SV2C: variants seen among roughly 807,000 people sequenced by gnomAD.
SV2C encodes synaptic vesicle glycoprotein 2C.
A neutral mutation model predicts 79.7 loss-of-function variants in SV2C; 49 were observed. The ratio of observed to expected loss-of-function variants is 0.61; its 90% CI spans 0.49 to 0.78. The LOEUF is 0.78. Ranked by LOEUF, SV2C falls within the 30% of genes least tolerant of loss-of-function variation. SV2C has a pLI of 0.00. For missense variants in SV2C, 833 were observed against 912.9 expected, an observed-to-expected ratio of 0.91 and a Z score of 1.13; for synonymous variants, 334 against 333.2, an observed-to-expected ratio of 1.00 and a Z score of -0.03.
At chr5:76,215,345 A>C (rs1290895680) in intron 4 of SV2C, among the ~76,000 whole-genome samples, 2 of 152,236 alleles carry the variant, frequency 1.3e-5, no homozygotes, top group South Asian at 2.1e-4. Flanking sequence ...GAATAAGGAG[A>C]ACAGTGAGCC....
At chr5:76,017,636 G>A in the SV2C span, among the ~76,000 whole-genome samples, 2 of 152,116 alleles carry the variant, frequency 1.3e-5, no homozygotes, top group African/African-American at 4.8e-5. Context: ...CATAGTGTAG[G>A]TTAGCATTTC....
intron 4 of SV2C, among the ~76,000 whole-genome samples, chr5:76,231,351 A>T (rs1279465690): frequency 6.6e-6 from 1 of 152,200 alleles, no homozygotes; most frequent in Non-Finnish European, 1.5e-5. Context: ...ATATATTAAT[A>T]TATACAGTTA....
intron 1 of SV2C, among the ~76,000 whole-genome samples, chr5:76,128,495 G>C (rs538209226): frequency 3.1e-4 from 47 of 152,184 alleles, no homozygotes; most frequent in Admixed American, 1.1e-3. Flanking sequence ...GGGTGAGGCA[G>C]ATGAAGATAA....
At chr5:76,242,008 CA>C in intron 4 of SV2C, 2 of 1,328,398 alleles carry the variant, frequency 1.5e-6, no homozygotes, top group Non-Finnish European at 2.1e-6. Flanking sequence ...ACACAGTTAT[CA>C]AAAATGCACA....
the SV2C span, among the ~76,000 whole-genome samples, chr5:75,894,804 A>T: frequency 6.6e-6 from 1 of 152,186 alleles, no homozygotes; most frequent in Admixed American, 6.6e-5. Context: ...ATTCCTGGGA[A>T]TCTAGAAGGC....
intron 2 of SV2C, chr5:76,173,508 G>T (rs1580328408): frequency 1.0e-6 from 1 of 973,488 alleles, no homozygotes; most frequent in East Asian, 2.4e-5. Flanking sequence ...CTCTTAAAGG[G>T]TACCACCACA....
chr5:76,209,748 C>T lies in SV2C; in HGVS notation c.774C>T (p.Ala258=). 1 of 1,614,086 alleles carries T rather than the reference C, an allele frequency of 6.2e-7. No homozygotes were observed. The highest frequency in any genetic ancestry group is 8.5e-7 in the Non-Finnish European group (1 of 1,179,964). ...TACCTCTTGGCAGGATTGGAGGAGC[C>T]ATACCCACTGTGTTCTCGTACTTTG... is the stretch of plus-strand genomic sequence containing the variant. The part of the protein sequence containing the change: ...RLLSGFGIGG[A]IPTVFSYFAE... The change falls in exon 4 of 13, where the codon GCC becomes GCT. Residue 258 remains alanine (A), a synonymous_variant. Transcript: ENST00000502798.
the SV2C span, among the ~76,000 whole-genome samples, chr5:75,935,540 A>G: frequency 6.6e-6 from 1 of 152,174 alleles, no homozygotes; most frequent in South Asian, 2.1e-4. Flanking sequence ...GGAAAGGGTA[A>G]AAGTTATGGG....
chr5:75,930,524 G>A, the SV2C span, among the ~76,000 whole-genome samples: 1 of 152,152 alleles, frequency 6.6e-6, no homozygotes, highest in African/African-American at 2.4e-5. Context: ...TCTTTGCTGT[G>A]TGTCTGTGAT....
the SV2C span, among the ~76,000 whole-genome samples, chr5:75,982,338 A>C: frequency 6.6e-6 from 1 of 152,218 alleles, no homozygotes; most frequent in Non-Finnish European, 1.5e-5. Flanking sequence ...GAAGACATAC[A>C]CATGGCCAAC....
At chr5:76,056,089 C>T in the SV2C span, among the ~76,000 whole-genome samples, 187 of 152,260 alleles carry the variant, frequency 1.2e-3, no homozygotes, top group African/African-American at 4.3e-3. Flanking sequence ...AAAGGGAATG[C>T]TTCCAGCTTT....
intron 2 of SV2C, among the ~76,000 whole-genome samples, chr5:76,155,969 A>AAAAT (rs1491333022): frequency 7.8e-6 from 1 of 128,278 alleles, no homozygotes; most frequent in African/African-American, 2.9e-5. Flanking sequence ...AAAAAAAAAA[A>AAAAT]GTAGAGGTTG....
the SV2C span, among the ~76,000 whole-genome samples, chr5:76,035,260 C>T: frequency 6.6e-6 from 1 of 151,114 alleles, no homozygotes; most frequent in Non-Finnish European, 1.5e-5. Context: ...TTCAGTTCTG[C>T]TCTGATCTTA....
At chr5:76,127,117 G>A (rs1748729749) in intron 1 of SV2C, among the ~76,000 whole-genome samples, 1 of 152,164 alleles carries the variant, frequency 6.6e-6, no homozygotes, top group Admixed American at 6.5e-5. Context: ...AGAACATTTG[G>A]GGGAGGCGGA....
the SV2C span, among the ~76,000 whole-genome samples, chr5:76,064,212 CAG>C: frequency 6.6e-6 from 1 of 152,098 alleles, no homozygotes; most frequent in Non-Finnish European, 1.5e-5. Context: ...GAGTGTGGAA[CAG>C]AAATCTGAGA....
chr5:76,276,418 A>G (rs1349925503), intron 4 of SV2C, among the ~76,000 whole-genome samples: 1 of 151,992 alleles, frequency 6.6e-6, no homozygotes, highest in East Asian at 1.9e-4. Context: ...CCTTTCCAGG[A>G]CTCCCTCTCA....
At chr5:76,113,732 G>A (rs553166160) in intron 1 of SV2C, among the ~76,000 whole-genome samples, 5 of 152,166 alleles carry the variant, frequency 3.3e-5, no homozygotes, top group Non-Finnish European at 5.9e-5. Context: ...GAAATACCTC[G>A]GGGAAAGGAA....
chr5:75,926,004 A>C, the SV2C span, among the ~76,000 whole-genome samples: 1 of 151,984 alleles, frequency 6.6e-6, no homozygotes, highest in African/African-American at 2.4e-5. Flanking sequence ...TTGAACATTG[A>C]AACACTAACA....
chr5:76,127,945 A>G (rs776162886), intron 1 of SV2C, among the ~76,000 whole-genome samples: 3 of 151,314 alleles, frequency 2.0e-5, no homozygotes, highest in Admixed American at 6.6e-5. Flanking sequence ...TGACTCCCTT[A>G]CTCTTTAATA....
Sources: gnomAD v4.1 joint callset for allele counts (sites outside exome capture counted in the v4.1 genomes callset) on GRCh38, gnomAD v4.1.1 for gene constraint, MANE v1.5 for transcripts, NCBI Gene and HGNC (gene_info 2026-07-23, HGNC 2026-07-21) for gene names.